Variants in BANK1 observed in about 807,000 individuals in gnomAD.
BANK1 encodes the protein B-cell scaffold protein with ankyrin repeats.
In BANK1, 95 loss-of-function variants were observed where a neutral mutation model predicts 94.5. The observed-to-expected ratio is 1.00, with a 90% CI of 0.85 to 1.19. The LOEUF (loss-of-function observed/expected upper bound fraction) is 1.19, where lower values mean the gene tolerates loss of function less well. BANK1 is among the 50% of genes most tolerant of loss of function. The pLI is 0.00. For missense variants in BANK1, 987 were observed against 932.2 expected (o/e 1.06, Z -0.77); for synonymous variants, 334 against 308.4 (o/e 1.08, Z -0.87).
chr4:101,881,208 G>T (rs1269737742), intron 5 of BANK1, among the ~76,000 whole-genome samples: 1 of 151,778 alleles, frequency 6.6e-6, no homozygotes, highest in Non-Finnish European at 1.5e-5. Context: ...TATATAAGGA[G>T]CTCAAACAAC....
At chr4:101,799,979 T>G (rs955390221) in intron 1 of BANK1, among the ~76,000 whole-genome samples, 2 of 152,108 alleles carry the variant, frequency 1.3e-5, no homozygotes, top group African/African-American at 4.8e-5. Context: ...ATGTCCTTTG[T>G]AGGGACATGG....
chr4:102,005,766 G>A (rs34592089), intron 7 of BANK1, among the ~76,000 whole-genome samples: 5,283 of 151,924 alleles, frequency 0.035, 139 homozygotes, highest in Non-Finnish European at 0.054. Context: ...TTTGAGGCAG[G>A]TACTGTTAAT....
intron 10 of BANK1, chr4:102,036,953 G>A (rs1433224744): frequency 6.6e-6 from 1 of 152,162 alleles, no homozygotes; most frequent in Non-Finnish European, 1.5e-5. Context: ...AGCGTGAACT[G>A]ACATTAAAAG....
chr4:101,996,167 C>T (rs1383637900), intron 7 of BANK1, among the ~76,000 whole-genome samples: 1 of 152,148 alleles, frequency 6.6e-6, no homozygotes, highest in African/African-American at 2.4e-5. Context: ...TTTCCCAACA[C>T]CATTTATTAA....
intron 2 of BANK1, among the ~76,000 whole-genome samples, chr4:101,849,569 ATTC>A (rs748553285): frequency 3.3e-5 from 5 of 152,120 alleles, no homozygotes; most frequent in Non-Finnish European, 7.3e-5. Flanking sequence ...ACACACTCAT[ATTC>A]TTAGGACATG....
At chr4:101,914,428 T>C (rs902143526) in intron 6 of BANK1, among the ~76,000 whole-genome samples, 2 of 152,010 alleles carry the variant, frequency 1.3e-5, no homozygotes, top group Non-Finnish European at 2.9e-5. Flanking sequence ...AGTCAGAAAA[T>C]AACTGGCCAT....
intron 6 of BANK1, among the ~76,000 whole-genome samples, chr4:101,898,229 A>G (rs569740027): frequency 6.6e-6 from 1 of 152,002 alleles, no homozygotes; most frequent in Non-Finnish European, 1.5e-5. Context: ...CCTTGATCCA[A>G]TAGTCTTGGA....
At chr4:101,952,140 T>C (rs1724183125) in intron 7 of BANK1, among the ~76,000 whole-genome samples, 2 of 152,160 alleles carry the variant, frequency 1.3e-5, no homozygotes, top group South Asian at 4.1e-4. Flanking sequence ...CTTCACTTGA[T>C]GTTGTTGATA....
intron 2 of BANK1, among the ~76,000 whole-genome samples, chr4:101,840,416 C>G (rs1727001921): frequency 6.6e-6 from 1 of 152,180 alleles, no homozygotes; most frequent in African/African-American, 2.4e-5. Context: ...TGCGCCAAAA[C>G]TGGCCATAAA....
intron 5 of BANK1, among the ~76,000 whole-genome samples, chr4:101,879,185 A>C (rs1206102199): frequency 6.6e-6 from 1 of 152,062 alleles, no homozygotes; most frequent in African/African-American, 2.4e-5. Flanking sequence ...TGAGAAGTTA[A>C]GCAAAATTGA....
chr4:102,024,003 C>T (rs1322359481), intron 8 of BANK1, among the ~76,000 whole-genome samples: 3 of 152,088 alleles, frequency 2.0e-5, no homozygotes, highest in African/African-American at 7.2e-5. Context: ...AATAACTATC[C>T]ACTCTGCCCA....
chr4:102,035,425 G>A (rs374011262), intron 10 of BANK1, among the ~76,000 whole-genome samples: 10 of 152,164 alleles, frequency 6.6e-5, no homozygotes, highest in African/African-American at 2.4e-4. Flanking sequence ...GAGGCGGGCG[G>A]ATCACGAGGT....
intron 7 of BANK1, among the ~76,000 whole-genome samples, chr4:102,008,911 C>T (rs1185551537): frequency 6.6e-6 from 1 of 152,206 alleles, no homozygotes; most frequent in African/African-American, 2.4e-5. Context: ...CTTGTGCAAG[C>T]AAGTTCAGCG....
At chr4:102,007,170 A>ATAT (rs1560682419) in intron 7 of BANK1, among the ~76,000 whole-genome samples, 4 of 113,228 alleles carry the variant, frequency 3.5e-5, no homozygotes, top group East Asian at 2.2e-4. Flanking sequence ...ATATATATAT[A>ATAT]AAATCCCTAA....
chr4:101,897,004 AG>A (rs1182203489), intron 6 of BANK1, among the ~76,000 whole-genome samples: 1 of 152,066 alleles, frequency 6.6e-6, no homozygotes, highest in African/African-American at 2.4e-5. Flanking sequence ...TTGAATAAAA[AG>A]CAGGCTAGGT....
intron 6 of BANK1, among the ~76,000 whole-genome samples, chr4:101,908,308 G>C (rs1414104395): frequency 6.6e-6 from 1 of 152,176 alleles, no homozygotes; most frequent in Non-Finnish European, 1.5e-5. Context: ...AATGGGGAAA[G>C]GATTCCCTAT....
chr4:102,071,648 G>A (rs967220835), intron 14 of BANK1, among the ~76,000 whole-genome samples: 4 of 152,170 alleles, frequency 2.6e-5, no homozygotes, highest in Admixed American at 6.6e-5. Context: ...GTACCATGGG[G>A]AATTGCTATA....
chr4:102,036,722 G>A (rs559842993), intron 10 of BANK1: 7 of 152,264 alleles, frequency 4.6e-5, no homozygotes, highest in South Asian at 4.2e-4. Context: ...AAGTCAGCTC[G>A]TGTAACCCAG....
chr4:102,039,625 C>T (rs1727641526), intron 10 of BANK1, among the ~76,000 whole-genome samples: 1 of 152,046 alleles, frequency 6.6e-6, no homozygotes, highest in South Asian at 2.1e-4. Flanking sequence ...TCATCCCTAT[C>T]CCCTCTTATC....
Sources: allele counts gnomAD v4.1 joint callset (sites outside exome capture counted in the v4.1 genomes callset), GRCh38; gene constraint gnomAD v4.1.1; transcripts MANE v1.5; gene names NCBI Gene and HGNC (gene_info 2026-07-23, HGNC 2026-07-21).